The following LNX1 variants were observed in gnomAD, a reference collection of about 807,000 sequenced individuals.
LNX1 encodes the protein E3 ubiquitin-protein ligase LNX.
In LNX1, 54 loss-of-function variants were observed where a neutral mutation model predicts 68.4. The observed-to-expected ratio is 0.79, with a 90% CI of 0.63 to 0.99. LNX1 has a LOEUF of 0.99. LNX1 is among the 50% of genes least tolerant of loss of function. The pLI is 0.00. For synonymous variants in LNX1, 336 were observed against 350.0 expected, an observed-to-expected ratio of 0.96 and a Z score of 0.45; for missense variants, 906 against 926.4, an observed-to-expected ratio of 0.98 and a Z score of 0.29.
chr4:53,598,282 G>T (rs1399727694), intron 2 of LNX1, among the ~76,000 whole-genome samples: 3 of 151,644 alleles, frequency 2.0e-5, no homozygotes, highest in South Asian at 4.2e-4. Context: ...GCCCAGGCTG[G>T]AGTGCAGTGG....
intron 6 of LNX1, among the ~76,000 whole-genome samples, chr4:53,490,455 A>C (rs1280041652): frequency 2.0e-5 from 3 of 152,220 alleles, no homozygotes; most frequent in African/African-American, 7.2e-5. Flanking sequence ...TCAGCACCAT[A>C]TTTGAGGCTT....
At chr4:53,651,782 T>C (rs1735108838) in intron 1 of LNX1, among the ~76,000 whole-genome samples, 1 of 152,190 alleles carries the variant, frequency 6.6e-6, no homozygotes, top group Non-Finnish European at 1.5e-5. Flanking sequence ...GTGTTTTAAA[T>C]GACGATAAAG....
At chr4:53,524,380 T>G (rs1476443343) in intron 2 of LNX1, 1 of 152,158 alleles carries the variant, frequency 6.6e-6, no homozygotes, top group Non-Finnish European at 1.5e-5. Context: ...TGTACTACCA[T>G]TTCACACATA....
At chr4:53,489,184 A>G (rs1331865833) in intron 6 of LNX1, among the ~76,000 whole-genome samples, 5 of 152,204 alleles carry the variant, frequency 3.3e-5, no homozygotes, top group African/African-American at 1.2e-4. Flanking sequence ...ATGAGCTAAA[A>G]GCAATCAGTC....
intron 1 of LNX1, among the ~76,000 whole-genome samples, chr4:53,581,983 C>A (rs114941612): frequency 6.6e-6 from 1 of 152,110 alleles, no homozygotes; most frequent in East Asian, 1.9e-4. Context: ...TTAAATATTG[C>A]ATTCACATTA....
upstream of LNX1, among the ~76,000 whole-genome samples, chr4:53,618,298 T>C (rs923556898): frequency 4.6e-5 from 7 of 152,204 alleles, no homozygotes; most frequent in Admixed American, 3.9e-4. Flanking sequence ...AAAAGAGTAT[T>C]CTAAAGAGGA....
chr4:53,493,188 C>T (rs1014460197), intron 6 of LNX1, among the ~76,000 whole-genome samples: 7 of 151,994 alleles, frequency 4.6e-5, no homozygotes, highest in African/African-American at 7.3e-5. Context: ...AGGCTGGTCT[C>T]GAACTACTGA....
At chr4:53,577,961 C>G (rs1412157060) in intron 1 of LNX1, among the ~76,000 whole-genome samples, 2 of 152,100 alleles carry the variant, frequency 1.3e-5, no homozygotes, top group Non-Finnish European at 2.9e-5. Flanking sequence ...GCGCCAGGCA[C>G]TGTGCTAGGG....
chr4:53,645,793 G>T (rs1734863774), intron 1 of LNX1, among the ~76,000 whole-genome samples: 1 of 152,190 alleles, frequency 6.6e-6, no homozygotes, highest in Admixed American at 6.5e-5. Context: ...GGCATCTGTA[G>T]AACCTGTGTC....
chr4:53,481,820 C>G lies in LNX1; in HGVS notation c.1385G>C (p.Arg462Pro), dbSNP rs759110642. 3.7e-6 allele frequency: 6 copies of G among 1,611,110 alleles called. No individual in the cohort carries two copies. The African/African-American group carries it at 8.0e-5, about 22-fold the overall frequency. The change falls in exon 7 of 11, where the codon CGC becomes CCC. Residue 462 changes from arginine (R) to proline (P), a missense_variant. Physicochemically the swap from Arg to Pro is moderately radical, Grantham distance 103. Transcript: ENST00000263925. ...SERRVHLVVS[R>P]QVRQRSPDIF... ...GTCAGGGCTCCGCTGCCGAACCTGG[C>G]GGGACACGACGAGGTGAACACGTCT...
In LNX1 at chr4:53,495,548, C is replaced by CTTTTTTTTTTTTTTTTTTTTTT. The variant is rs199684639; in HGVS notation, c.1350+474_1350+475insAAAAAAAAAAAAAAAAAAAAAA. 4.5e-4 allele frequency among the ~76,000 whole-genome samples: 54 copies of CTTTTTTTTTTTTTTTTTTTTTT among 119,396 alleles called. 2 individuals carry two copies. Among genetic ancestry groups the CTTTTTTTTTTTTTTTTTTTTTT allele is most frequent in the African/African-American group, 1.1e-3 (35 of 30,856 alleles). 78.3% of individuals were successfully genotyped at this position (119,396 alleles called of 152,430 possible). ...GATCCCTGGAGAATGCATGGCATAG[C>CTTTTTTTTTTTTTTTTTTTTTT]TTTTTTTTTTTTTAAGATGGGTCTT... On this transcript the variant is annotated intron_variant, in intron 6 of 10. Transcript: ENST00000263925.
chr4:53,531,691 C>T (rs937941274), intron 2 of LNX1, among the ~76,000 whole-genome samples: 9 of 152,144 alleles, frequency 5.9e-5, no homozygotes, highest in Admixed American at 2.0e-4. Context: ...CAGGATTAAA[C>T]GTGAGACTGA....
At chr4:53,516,318 C>T (rs1726779348) in intron 2 of LNX1, among the ~76,000 whole-genome samples, 1 of 151,890 alleles carries the variant, frequency 6.6e-6, no homozygotes, top group Admixed American at 6.6e-5. Flanking sequence ...CAGTAACTAG[C>T]ATAATTATTG....
intron 1 of LNX1, among the ~76,000 whole-genome samples, chr4:53,584,988 G>T (rs1264604426): frequency 6.6e-6 from 1 of 152,080 alleles, no homozygotes; most frequent in Non-Finnish European, 1.5e-5. Flanking sequence ...CTTTGTCTTT[G>T]GTTCTTCCAA....
At position 53,587,525 on chromosome 4, in the gene LNX1, C is replaced by T. The variant is rs148619585; in HGVS notation, c.-87+3863G>A. ...CATAAATATTAGGAATAGTTGTATGCTACTGGGAAGTCCATGAATACTGAG... is the reference window on the plus strand; with the variant it reads ...CATAAATATTAGGAATAGTTGTATGTTACTGGGAAGTCCATGAATACTGAG... On this transcript the variant is annotated intron_variant, in intron 1 of 10. Coordinates refer to ENST00000263925, the MANE Select transcript of LNX1 (RefSeq NM_001126328.3). 7.1e-3 allele frequency among the ~76,000 whole-genome samples: 1,081 copies of T among 152,256 alleles called. 12 individuals are homozygous for T. The highest frequency in any genetic ancestry group is 0.025 in the African/African-American group (1,019 of 41,536).
chr4:53,511,877 CT>C (rs1303174087), intron 2 of LNX1, among the ~76,000 whole-genome samples: 1 of 152,192 alleles, frequency 6.6e-6, no homozygotes, highest in Non-Finnish European at 1.5e-5. Flanking sequence ...TGATGCTGAA[CT>C]TACCCACTTA....
chr4:53,591,452 G>T lies in LNX1; in HGVS notation c.-151C>A. On this transcript the variant is annotated 5_prime_UTR_variant, in exon 1 of 11. Coordinates refer to ENST00000263925, the MANE Select transcript of LNX1 (RefSeq NM_001126328.3). ...GGCAGGCAGCTCTCATTCCTTGTGGGTGAACCGAGCAGCTCCTTGGGCCGC... is the reference window on the plus strand; with the variant it reads ...GGCAGGCAGCTCTCATTCCTTGTGGTTGAACCGAGCAGCTCCTTGGGCCGC... The T allele has an allele frequency of 1.0e-6, 1 of 985,844 alleles. No individual in the cohort carries two copies. Among genetic ancestry groups the T allele is most frequent in the Non-Finnish European group, 1.2e-6 (1 of 830,316 alleles). The allele number at this position is 985,844 out of a possible 1,614,324, so 61.1% of individuals were successfully genotyped here.
At position 53,645,815 on chromosome 4, in the gene LNX1, G is replaced by A. The variant is rs150074932; in HGVS notation, c.-215+6353C>T. Among the ~76,000 whole-genome samples the A allele has an allele frequency of 1.8e-4, 28 of 152,282 alleles. No individual in the cohort carries two copies. The East Asian group carries it at 3.7e-3, about 20-fold the overall frequency. ...GTAGAACCTGTGTCTCAATAAAGATGTTTTGAATGAATATCTGAAACCGTA... is the reference window on the plus strand; with the variant it reads ...GTAGAACCTGTGTCTCAATAAAGATATTTTGAATGAATATCTGAAACCGTA... On this transcript the variant is annotated intron_variant, in intron 1 of 2. Transcript: ENST00000507168.
At chr4:53,520,783 A>C (rs1727154173) in intron 2 of LNX1, among the ~76,000 whole-genome samples, 1 of 152,074 alleles carries the variant, frequency 6.6e-6, no homozygotes, top group African/African-American at 2.4e-5. Context: ...CCAACATGGC[A>C]AAACCCCATC....
Sources: gnomAD v4.1 joint callset for allele counts (sites outside exome capture counted in the v4.1 genomes callset) on GRCh38, gnomAD v4.1.1 for gene constraint, MANE v1.5 for transcripts, NCBI Gene and HGNC (gene_info 2026-07-23, HGNC 2026-07-21) for gene names.